Variants in RPS6KC1 observed in about 807,000 individuals in gnomAD.
RPS6KC1 encodes the protein ribosomal protein S6 kinase C1, also known as inactive ribosomal protein S6 kinase delta-1.
In RPS6KC1, 54 loss-of-function variants were observed where a neutral mutation model predicts 103.8. That is an observed-to-expected ratio of 0.52 (90% confidence interval 0.42 to 0.65). The LOEUF is 0.65. Ranked by LOEUF, RPS6KC1 falls within the 30% of genes least tolerant of loss-of-function variation. The pLI is 0.00. For missense variants in RPS6KC1, 1,151 were observed against 1,253.8 expected (o/e 0.92, Z 1.24); for synonymous variants, 439 against 438.7 (o/e 1.00, Z -0.01).
the RPS6KC1 span, among the ~76,000 whole-genome samples, chr1:213,734,642 T>G: frequency 2.0e-5 from 3 of 152,328 alleles, no homozygotes; most frequent in African/African-American, 7.2e-5. Context: ...CAAAATATGC[T>G]TGTGTACCAT....
At chr1:213,375,146 T>C in the RPS6KC1 span, among the ~76,000 whole-genome samples, 17 of 151,164 alleles carry the variant, frequency 1.1e-4, no homozygotes, top group African/African-American at 3.7e-4. Flanking sequence ...TACACACATA[T>C]ACACATATAT....
chr1:213,363,646 C>CTT, the RPS6KC1 span, among the ~76,000 whole-genome samples: 1 of 68,108 alleles, frequency 1.5e-5, no homozygotes, highest in South Asian at 4.4e-4. Context: ...TTCTTTCTTT[C>CTT]TTTCTTTCTT....
chr1:213,854,150 C>T, the RPS6KC1 span, among the ~76,000 whole-genome samples: 1 of 152,158 alleles, frequency 6.6e-6, no homozygotes, highest in African/African-American at 2.4e-5. Context: ...GGGGACAGCT[C>T]CCCTACCTCA....
the RPS6KC1 span, among the ~76,000 whole-genome samples, chr1:213,777,899 C>T: frequency 5.3e-5 from 8 of 152,092 alleles, no homozygotes; most frequent in Admixed American, 2.0e-4. Context: ...GCTTTATGTG[C>T]GTTATCTAAC....
chr1:213,649,859 G>T, the RPS6KC1 span, among the ~76,000 whole-genome samples: 1 of 152,204 alleles, frequency 6.6e-6, no homozygotes, highest in East Asian at 1.9e-4. Context: ...CATGGTGGCG[G>T]TGAGGATGGG....
chr1:213,261,533 TATC>T (rs749250743), intron 12 of RPS6KC1, 22 bp from the exon 13 acceptor site: 27 of 1,602,802 alleles, frequency 1.7e-5, no homozygotes, highest in Non-Finnish European at 2.2e-5. Context: ...GGAATTTTAA[TATC>T]AACCTTTTTT....
chr1:213,602,074 CTTTCTCTT>C, the RPS6KC1 span, among the ~76,000 whole-genome samples: 32 of 50,058 alleles, frequency 6.4e-4, 3 homozygotes, highest in African/African-American at 2.2e-3. Context: ...TTCTTTCTTT[CTTTCTCTT>C]TCTTTCTTTC....
the RPS6KC1 span, among the ~76,000 whole-genome samples, chr1:213,461,452 C>T: frequency 2.0e-5 from 3 of 151,826 alleles, no homozygotes; most frequent in South Asian, 2.1e-4. Flanking sequence ...CATATGGAAC[C>T]GAAAAGCCCA....
chr1:213,744,459 C>T, the RPS6KC1 span, among the ~76,000 whole-genome samples: 1 of 152,310 alleles, frequency 6.6e-6, no homozygotes, highest in South Asian at 2.1e-4. Context: ...CTATTGCCCC[C>T]TCCAAAATAT....
At chr1:213,409,324 C>A in the RPS6KC1 span, among the ~76,000 whole-genome samples, 224 of 152,104 alleles carry the variant, frequency 1.5e-3, 7 homozygotes, top group East Asian at 0.03. Flanking sequence ...AGACCAGGGG[C>A]AAAGTGCTAA....
chr1:213,739,143 C>A, the RPS6KC1 span, among the ~76,000 whole-genome samples: 1 of 152,104 alleles, frequency 6.6e-6, no homozygotes, highest in Non-Finnish European at 1.5e-5. Flanking sequence ...TCCTCTTCCT[C>A]CTCCTTAGCC....
the RPS6KC1 span, among the ~76,000 whole-genome samples, chr1:213,637,979 G>A: frequency 6.6e-6 from 1 of 151,854 alleles, no homozygotes; most frequent in Non-Finnish European, 1.5e-5. Context: ...ATCACACCTG[G>A]CTAATGTTAA....
the RPS6KC1 span, among the ~76,000 whole-genome samples, chr1:213,807,766 T>A: frequency 6.6e-6 from 1 of 152,264 alleles, no homozygotes; most frequent in Non-Finnish European, 1.5e-5. Context: ...GAAGCCTTCT[T>A]CTCTCATCTC....
the RPS6KC1 span, among the ~76,000 whole-genome samples, chr1:213,664,816 T>C: frequency 4.6e-5 from 7 of 152,198 alleles, no homozygotes; most frequent in African/African-American, 1.7e-4. Context: ...GTGATTTTGA[T>C]TGTTTTTAAT....
At chr1:213,846,933 A>G in the RPS6KC1 span, among the ~76,000 whole-genome samples, 1 of 152,180 alleles carries the variant, frequency 6.6e-6, no homozygotes, top group Non-Finnish European at 1.5e-5. Flanking sequence ...TGTTATTTCA[A>G]ACAACATATT....
At chr1:213,117,112 A>G (rs565962653) in intron 4 of RPS6KC1, among the ~76,000 whole-genome samples, 1 of 152,116 alleles carries the variant, frequency 6.6e-6, no homozygotes, top group African/African-American at 2.4e-5. Flanking sequence ...CTGCCATTAA[A>G]TATCTTGGGT....
chr1:213,218,476 C>T lies in RPS6KC1; in HGVS notation c.1045-12021C>T, dbSNP rs539904392. Among the ~76,000 whole-genome samples, 110 of 152,330 alleles carry T rather than the reference C, an allele frequency of 7.2e-4. 2 individuals carry two copies. The East Asian group carries it at 0.016, about 22-fold the overall frequency. ...TAATTTATAGATTCAATGCCATCCT[C>T]ATCAAGCTACCAATGACTTTCTTCA... On this transcript the variant is annotated intron_variant, in intron 8 of 14. Transcript: ENST00000366960.
chr1:213,205,536 T>TTATATTTATATATATATATATATA (rs2093316911), intron 8 of RPS6KC1: 4 of 82,292 alleles, frequency 4.9e-5, no homozygotes, highest in Non-Finnish European at 1.0e-4. Flanking sequence ...ACAAACTCAT[T>TTATATTTATATATATATATATATA]TATATATATA....
At chr1:213,373,517 A>G in the RPS6KC1 span, among the ~76,000 whole-genome samples, 1 of 152,252 alleles carries the variant, frequency 6.6e-6, no homozygotes, top group Non-Finnish European at 1.5e-5. Context: ...ATAAAAAATC[A>G]GAACAAAACA....
Sources: allele counts gnomAD v4.1 joint callset (sites outside exome capture counted in the v4.1 genomes callset), GRCh38; gene constraint gnomAD v4.1.1; transcripts MANE v1.5; gene names NCBI Gene and HGNC (gene_info 2026-07-23, HGNC 2026-07-21).